Variants in HDGF observed in about 807,000 individuals in gnomAD.
The protein encoded by HDGF is hepatoma-derived growth factor.
HDGF carries 5 observed loss-of-function variants against 30.0 expected under a neutral mutation model. The observed-to-expected ratio is 0.17, with a 90% confidence interval of 0.09 to 0.35. The LOEUF (loss-of-function observed/expected upper bound fraction) is 0.35, where lower values mean the gene tolerates loss of function less well. Ranked by LOEUF, HDGF falls within the 10% of genes least tolerant of loss-of-function variation. The pLI, the probability that HDGF is intolerant of heterozygous loss-of-function variation, is 1.00. For missense variants in HDGF, 214 were observed against 302.8 expected (o/e 0.71, Z 2.18); for synonymous variants, 133 against 112.7 (o/e 1.18, Z -1.14).
intron 1 of HDGF, among the ~76,000 whole-genome samples, chr1:156,761,187 C>T (rs1288208267): frequency 3.9e-5 from 6 of 152,014 alleles, no homozygotes; most frequent in African/African-American, 1.2e-4. Flanking sequence ...GTGGAGCGTG[C>T]CTGTAATCCC....
chr1:156,751,922 A>G, upstream of HDGF: 1 of 1,060,160 alleles, frequency 9.4e-7, no homozygotes, highest in South Asian at 1.7e-5. The surrounding 1 kb of genome is among the most constrained non-coding windows in gnomAD (Gnocchi z 4.7). Context: ...ATCGCCGAGC[A>G]CGCCGAGCAG....
chr1:156,757,380 C>G (rs11810917), upstream of HDGF, among the ~76,000 whole-genome samples: 1 of 151,962 alleles, frequency 6.6e-6, no homozygotes, highest in African/African-American at 2.4e-5. Flanking sequence ...GCAGGAGAAT[C>G]GCTTGAACCC....
chr1:156,748,669 A>G (rs1558035273), intron 1 of HDGF, among the ~76,000 whole-genome samples: 1 of 152,214 alleles, frequency 6.6e-6, no homozygotes. Flanking sequence ...AGAGTGGGGA[A>G]AGAGAACTGA....
chr1:156,744,025 G>C, intron 4 of HDGF, 138 bp downstream of exon 4: 1 of 1,068,610 alleles, frequency 9.4e-7, no homozygotes, highest in Non-Finnish European at 1.4e-6. Context: ...TGTCCCATCT[G>C]GTCAGCTGGG....
chr1:156,765,578 G>A (rs1005675836), intron 1 of HDGF, among the ~76,000 whole-genome samples: 1 of 137,170 alleles, frequency 7.3e-6, no homozygotes, highest in African/African-American at 2.7e-5. Flanking sequence ...GGGTTCAAAC[G>A]ATTCTCCTGC....
intron 1 of HDGF, chr1:156,759,365 T>G (rs1380589196): frequency 1.3e-5 from 2 of 152,196 alleles, no homozygotes; most frequent in South Asian, 2.1e-4. Context: ...AATGCAGAGA[T>G]AACTATTTCC....
rs1186097953 is a variant in HDGF at position 156,765,457 on chromosome 1, CTTCT to C, written n.136+1329_136+1332del. 5.8e-3 allele frequency among the ~76,000 whole-genome samples: 604 copies of C among 104,996 alleles called. 9 individuals are homozygous for C. The highest frequency in any genetic ancestry group is 0.017 in the African/African-American group (474 of 28,684). 68.9% of individuals were successfully genotyped at this position (104,996 alleles called of 152,430 possible). The stretch of plus-strand genomic sequence containing the variant: ...TTTCTTTCCTTTCTTTCCTTCTTTC[CTTCT>C]TTCTTTCTTTCTTTTTTTTTTTTTT... On this transcript the variant is annotated intron_variant and non_coding_transcript_variant, in intron 1 of 7. Transcript: ENST00000465180.
chr1:156,758,647 G>A (rs1651195512), intron 2 of HDGF, among the ~76,000 whole-genome samples: 1 of 146,856 alleles, frequency 6.8e-6, no homozygotes, highest in African/African-American at 2.5e-5. Context: ...GTGTGGTGGT[G>A]GGTGCCTGTA....
Position 156,743,670 on chromosome 1 carries a change from C to G in HDGF, c.698G>C (p.Gly233Ala). The change falls in exon 5 of 6, where the codon GGC becomes GCC. Residue 233 changes from glycine (G) to alanine (A), a missense_variant. Physicochemically the swap from Gly to Ala is moderately conservative, Grantham distance 60 (BLOSUM62 0). Transcript: ENST00000357325. ...CACTCACCTCTCATGATCTCTGATGCCTGGGGCCTCAGCATCTTCCTTGGT... is the reference window on the plus strand; with the variant it reads ...CACTCACCTCTCATGATCTCTGATGGCTGGGGCCTCAGCATCTTCCTTGGT... ...EATKEDAEAPGIRDHESL is the reference protein window; with the variant it reads ...EATKEDAEAPAIRDHESL 3 of 1,612,274 alleles carry G rather than the reference C, an allele frequency of 1.9e-6. No homozygotes were observed. The highest frequency in any genetic ancestry group is 2.5e-6 in the Non-Finnish European group (3 of 1,178,752).
At chr1:156,752,706 T>G (rs887677613), upstream of HDGF, among the ~76,000 whole-genome samples, 7 of 152,214 alleles carry the variant, frequency 4.6e-5, no homozygotes, top group Non-Finnish European at 8.8e-5. Flanking sequence ...TAAATAAGAC[T>G]TTATTGTAAT....
chr1:156,756,391 C>T (rs1003036317), upstream of HDGF, among the ~76,000 whole-genome samples: 15 of 152,192 alleles, frequency 9.9e-5, no homozygotes, highest in Admixed American at 2.0e-4. Context: ...TGGATTCCTT[C>T]GCAGTAAGCT....
chr1:156,752,215 C>T (rs1283898667), upstream of HDGF: 1 of 1,551,798 alleles, frequency 6.4e-7, no homozygotes, highest in Admixed American at 2.0e-5. Flanking sequence ...CTCTCTGGAC[C>T]TCGCCGTGCT....
upstream of HDGF, among the ~76,000 whole-genome samples, chr1:156,755,824 G>A (rs1163479161): frequency 6.6e-6 from 1 of 152,210 alleles, no homozygotes; most frequent in African/African-American, 2.4e-5. Context: ...GGGCTGTAGA[G>A]ATAACAGTCT....
chr1:156,752,438 A>T, upstream of HDGF: 1 of 1,355,556 alleles, frequency 7.4e-7, no homozygotes, highest in Non-Finnish European at 1.0e-6. Context: ...CGCAAAGATG[A>T]GCTCAGTTCT....
chr1:156,754,081 A>G (rs1651110204), upstream of HDGF, among the ~76,000 whole-genome samples: 1 of 151,550 alleles, frequency 6.6e-6, no homozygotes, highest in Non-Finnish European at 1.5e-5. Flanking sequence ...ACGCCAGGCT[A>G]ATTTTTGTAT....
chr1:156,760,058 T>C (rs1651222697), intron 1 of HDGF, among the ~76,000 whole-genome samples: 1 of 152,268 alleles, frequency 6.6e-6, no homozygotes, highest in Non-Finnish European at 1.5e-5. Context: ...TGCAGGAGTT[T>C]GCTGACAAGC....
chr1:156,744,907 T>G (rs1650418085), intron 3 of HDGF, 101 bp downstream of exon 3: 1 of 1,385,404 alleles, frequency 7.2e-7, no homozygotes, highest in African/African-American at 1.4e-5. Context: ...CTGAAAGCCC[T>G]GGAGTTTCTG....
At chr1:156,759,111 G>C (rs767620985) in exon 2 of HDGF, 2 of 152,144 alleles carry the variant, frequency 1.3e-5, no homozygotes, top group African/African-American at 4.8e-5. Context: ...TTCAACCTTA[G>C]TAGGGCAGGA....
At chr1:156,763,110 T>C (rs1651282238) in intron 1 of HDGF, among the ~76,000 whole-genome samples, 1 of 152,166 alleles carries the variant, frequency 6.6e-6, no homozygotes, top group African/African-American at 2.4e-5. Flanking sequence ...TGGGTTTAAG[T>C]TTTTTCAAAA....
Sources: gnomAD v4.1 joint callset for allele counts (sites outside exome capture counted in the v4.1 genomes callset) on GRCh38, gnomAD v4.1.1 for gene constraint, Gnocchi (gnomAD v3.1) non-coding constraint, MANE v1.5 for transcripts, NCBI Gene and HGNC (gene_info 2026-07-23, HGNC 2026-07-21) for gene names.